Variants in RFC3 observed in about 807,000 individuals in gnomAD.
RFC3 encodes the protein replication factor C subunit 3.
In RFC3, 41 loss-of-function variants were observed where a neutral mutation model predicts 45.1. The observed-to-expected ratio is 0.91, with a 90% CI of 0.71 to 1.18. The LOEUF (loss-of-function observed/expected upper bound fraction) is 1.18, where lower values mean the gene tolerates loss of function less well. RFC3 is among the 50% of genes most tolerant of loss of function. The probability of loss-of-function intolerance (pLI) is 0.00; values close to 1 mark genes in which losing one functional copy is unlikely to be tolerated. For missense variants in RFC3, 423 were observed against 428.1 expected (o/e 0.99, Z 0.10); for synonymous variants, 149 against 144.0 (o/e 1.03, Z -0.25).
rs375667943 is a variant in RFC3 at position 33,951,552 on chromosome 13, A to T, written c.880-14535A>T. Among the ~76,000 whole-genome samples, 216 of 151,618 alleles carry T rather than the reference A, an allele frequency of 1.4e-3. 3 individuals carry two copies. In the East Asian group the frequency reaches 0.016, roughly 11 times the overall value. ...CAGCTGTAAATAACTTTTTTTTTTT[A>T]AACCCAGGGGATTTTGTTTTTCTCA... On this transcript the variant is annotated intron_variant, in intron 8 of 8. Coordinates refer to the RFC3 transcript ENST00000434425.
At chr13:33,840,823 A>C (rs1426670311), downstream of RFC3, among the ~76,000 whole-genome samples, 1 of 152,198 alleles carries the variant, frequency 6.6e-6, no homozygotes, top group Non-Finnish European at 1.5e-5. Flanking sequence ...ATGTGTAGCT[A>C]CTAGTCTGTT....
chr13:33,842,906 A>G (rs1168006091), intron 8 of RFC3, among the ~76,000 whole-genome samples: 1 of 152,206 alleles, frequency 6.6e-6, no homozygotes, highest in Non-Finnish European at 1.5e-5. Context: ...TATGTTTCAT[A>G]TAAATTAAAA....
Position 33,905,908 on chromosome 13 carries a change from T to G in RFC3, c.880-60179T>G, listed in dbSNP as rs140059291. On this transcript the variant is annotated intron_variant, in intron 8 of 8. Transcript: ENST00000434425. ...TCTATGTGCTAATAGGAAGAAGTCTTAAAGGCATATTGATACTACTCTTCT... is the reference window on the plus strand; with the variant it reads ...TCTATGTGCTAATAGGAAGAAGTCTGAAAGGCATATTGATACTACTCTTCT... 3.2e-3 allele frequency among the ~76,000 whole-genome samples: 484 copies of G among 152,212 alleles called. 1 individual carries two copies. The highest frequency in any genetic ancestry group is 0.011 in the African/African-American group (455 of 41,582).
chr13:33,857,895 G>T (rs918528744), intron 8 of RFC3, among the ~76,000 whole-genome samples: 1 of 152,318 alleles, frequency 6.6e-6, no homozygotes, highest in South Asian at 2.1e-4. Flanking sequence ...TGATCATCCT[G>T]TCTGGGAGTT....
chr13:33,830,182 C>T (rs1184632367), intron 5 of RFC3, among the ~76,000 whole-genome samples, 165 bp downstream of exon 5: 1 of 152,172 alleles, frequency 6.6e-6, no homozygotes. Flanking sequence ...TTGTAAATAC[C>T]AGATGCCAAT....
intron 1 of RFC3, among the ~76,000 whole-genome samples, chr13:33,820,853 G>A (rs750503455): frequency 1.3e-5 from 2 of 150,658 alleles, no homozygotes; most frequent in Non-Finnish European, 3.0e-5. Flanking sequence ...GTGCTGTCAC[G>A]TATATAAGTT....
At chr13:33,921,698 G>T (rs11840394) in intron 8 of RFC3, among the ~76,000 whole-genome samples, 2,504 of 152,080 alleles carry the variant, frequency 0.016, 70 homozygotes, top group African/African-American at 0.055. Flanking sequence ...GTGCACCCTG[G>T]AATGGAGCCC....
At chr13:33,948,577 A>G (rs940833308) in intron 8 of RFC3, among the ~76,000 whole-genome samples, 1 of 152,198 alleles carries the variant, frequency 6.6e-6, no homozygotes, top group Non-Finnish European at 1.5e-5. Flanking sequence ...CTTGCCCTGC[A>G]TGCCTGGAAA....
chr13:33,892,626 A>G (rs568125378), intron 8 of RFC3, among the ~76,000 whole-genome samples: 2 of 152,268 alleles, frequency 1.3e-5, no homozygotes, highest in South Asian at 4.2e-4. Context: ...ACTCCCAGCC[A>G]TTACCACCAA....
At chr13:33,904,013 G>A (rs1051421630) in intron 8 of RFC3, among the ~76,000 whole-genome samples, 1 of 152,020 alleles carries the variant, frequency 6.6e-6, no homozygotes, top group Admixed American at 6.6e-5. Flanking sequence ...ATGCCCACAA[G>A]GCTGTTTCAG....
chr13:33,924,563 C>T lies in RFC3; in HGVS notation c.880-41524C>T, dbSNP rs931650880. Among the ~76,000 whole-genome samples, 4 of 151,152 alleles carry T rather than the reference C, an allele frequency of 2.6e-5. No individual in the cohort carries two copies. The Middle Eastern group carries it at 0.01, about 391-fold the overall frequency. ...TTTGGCCCTATATATAAAAAGTTTG[C>T]TTCATCAGCAAGATGAACAGATAAA... On this transcript the variant is annotated intron_variant, in intron 8 of 8. Coordinates refer to the RFC3 transcript ENST00000434425.
At chr13:33,950,857 ACCCAATTTCCTC>A (rs2082985240) in intron 8 of RFC3, among the ~76,000 whole-genome samples, 1 of 151,780 alleles carries the variant, frequency 6.6e-6, no homozygotes, top group South Asian at 2.1e-4. Context: ...CATCTCATTC[ACCCAATTTCCTC>A]CTCTAATTTG....
intron 8 of RFC3, among the ~76,000 whole-genome samples, chr13:33,940,109 C>G (rs2082913673): frequency 6.6e-6 from 1 of 151,952 alleles, no homozygotes; most frequent in Non-Finnish European, 1.5e-5. Flanking sequence ...TACTGCCTTA[C>G]TTTTTATTAT....
In RFC3 at chr13:33,837,033, G is replaced by T; in HGVS notation, c.*738G>T. 1.0e-6 allele frequency: 1 copy of T among 984,416 alleles called. No individual in the cohort carries two copies. Among genetic ancestry groups the T allele is most frequent in the Non-Finnish European group, 1.2e-6 (1 of 829,106 alleles). The allele number at this position is 984,416 out of a possible 1,614,324, so 61.0% of individuals were successfully genotyped here. On this transcript the variant is annotated 3_prime_UTR_variant, in exon 9 of 9. Transcript: ENST00000380071. ...TTTTAATTAAATATTTTGGTTCATG[G>T]ACCAAAGGGTTTACTTGACAAATTT... is the stretch of plus-strand genomic sequence containing the variant.
At position 33,932,862 on chromosome 13, in the gene RFC3, C is replaced by T. The variant is rs561644617; in HGVS notation, c.880-33225C>T. Among the ~76,000 whole-genome samples the T allele has an allele frequency of 5.9e-5, 9 of 152,244 alleles. No individual in the cohort carries two copies. In the South Asian group the frequency reaches 1.0e-3, roughly 18 times the overall value. On this transcript the variant is annotated intron_variant, in intron 8 of 8. Coordinates refer to the RFC3 transcript ENST00000434425. The stretch of plus-strand genomic sequence containing the variant: ...AATATTCCTGACATTGTGACAACAA[C>T]GACTGGCTTTTGCTGTACATGTTTG...
chr13:33,902,769 C>A (rs2082649539), intron 8 of RFC3, among the ~76,000 whole-genome samples: 1 of 151,966 alleles, frequency 6.6e-6, no homozygotes. Flanking sequence ...CACAGAACCA[C>A]CAGAGGAAGT....
Position 33,818,198 on chromosome 13 carries a change from A to T in RFC3, c.20A>T (p.Lys7Met). The T allele has an allele frequency of 6.2e-7, 1 of 1,613,652 alleles. No homozygotes were observed. Among genetic ancestry groups the T allele is most frequent in the Non-Finnish European group, 8.5e-7 (1 of 1,179,958 alleles). ...GCTGCCATGAGCCTCTGGGTGGACA[A>T]GTATCGGCCCTGCTCCTTGGGACGG... The part of the protein sequence containing the change: MSLWVD[K>M]YRPCSLGRLD... Residue 7 changes from lysine to methionine, a missense_variant, in exon 1 of 9, where the codon AAG becomes ATG. Transcript: ENST00000380071.
At chr13:33,830,060 T>G (rs573541429) in intron 5 of RFC3, 43 bp downstream of exon 5, 4 of 1,507,304 alleles carry the variant, frequency 2.7e-6, no homozygotes, top group South Asian at 1.1e-5. Context: ...TCAGTTCAGA[T>G]TCTCTGAATA....
chr13:33,847,004 C>T (rs117429486), intron 8 of RFC3: 3,776 of 152,290 alleles, frequency 0.025, 72 homozygotes, highest in Non-Finnish European at 0.041. Flanking sequence ...TAGGTTCAAG[C>T]GATTCTCCTA....
Sources: allele counts gnomAD v4.1 joint callset (sites outside exome capture counted in the v4.1 genomes callset), GRCh38; gene constraint gnomAD v4.1.1; transcripts MANE v1.5; gene names NCBI Gene and HGNC (gene_info 2026-07-23, HGNC 2026-07-21).